Variants in RAB8B observed in about 807,000 individuals in gnomAD.
RAB8B encodes ras-related protein Rab-8B.
RAB8B carries 11 observed loss-of-function variants against 32.0 expected under a neutral mutation model. The observed-to-expected ratio is 0.34, with a 90% CI of 0.22 to 0.57. The LOEUF (loss-of-function observed/expected upper bound fraction) is 0.57, where lower values mean the gene tolerates loss of function less well. Among genes scored for constraint, RAB8B ranks in the 20% least tolerant of loss-of-function variants. The pLI, the probability that RAB8B is intolerant of heterozygous loss-of-function variation, is 0.86. For missense variants in RAB8B, 190 were observed against 258.5 expected, an observed-to-expected ratio of 0.73 and a Z score of 1.82; for synonymous variants, 103 against 89.6, an observed-to-expected ratio of 1.15 and a Z score of -0.85.
intron 1 of RAB8B, among the ~76,000 whole-genome samples, chr15:63,192,297 A>G (rs2037562347): frequency 1.3e-5 from 2 of 152,358 alleles, no homozygotes; most frequent in South Asian, 2.1e-4. Context: ...TGTTAGCACC[A>G]TTCTGGTTCC....
chr15:63,259,445 A>G lies in RAB8B; in HGVS notation c.415-182A>G, dbSNP rs1453694569. Reference sequence around the variant, plus strand: ...AAATGGAAGTTGTGCCATCCTTCTTACGATGATTAAGTTAAATTATTAAAT... The same window carrying G: ...AAATGGAAGTTGTGCCATCCTTCTTGCGATGATTAAGTTAAATTATTAAAT... On this transcript the variant is annotated intron_variant, in intron 5 of 7. Transcript: ENST00000321437. This position sits in a 1 kb window ranked among gnomAD's most constrained non-coding sequence, Gnocchi z 4.4. Among the ~76,000 whole-genome samples the G allele has an allele frequency of 4.6e-5, 7 of 152,298 alleles. No homozygotes were observed. In the East Asian group the frequency reaches 1.4e-3, roughly 29 times the overall value.
At chr15:63,252,469 T>A (rs2038124189) in intron 3 of RAB8B, among the ~76,000 whole-genome samples, 1 of 152,228 alleles carries the variant, frequency 6.6e-6, no homozygotes, top group Non-Finnish European at 1.5e-5. Flanking sequence ...GACTCTAGCC[T>A]GCGTTCTTAA....
intron 1 of RAB8B, among the ~76,000 whole-genome samples, chr15:63,238,673 A>C (rs2038005096): frequency 6.6e-6 from 1 of 152,202 alleles, no homozygotes; most frequent in Non-Finnish European, 1.5e-5. Flanking sequence ...ATAGGTATAT[A>C]ATATAGAGGA....
At chr15:63,239,935 T>C (rs2038018492) in intron 1 of RAB8B, among the ~76,000 whole-genome samples, 1 of 151,842 alleles carries the variant, frequency 6.6e-6, no homozygotes, top group Non-Finnish European at 1.5e-5. Context: ...AAACCAGGCT[T>C]TGAGGCAGAG....
intron 1 of RAB8B, among the ~76,000 whole-genome samples, chr15:63,208,652 A>G (rs775519393): frequency 2.6e-5 from 4 of 152,176 alleles, no homozygotes; most frequent in South Asian, 4.1e-4. Context: ...GCAGGTTCCA[A>G]GAACACACCT....
chr15:63,255,651 T>C (rs1481309990), intron 4 of RAB8B, 67 bp downstream of exon 4: 1 of 1,328,616 alleles, frequency 7.5e-7, no homozygotes, highest in Non-Finnish European at 1.1e-6. Context: ...AAGGCTCCTC[T>C]GTCTGCAAGG....
chr15:63,256,448 A>T (rs1567021261), intron 4 of RAB8B, 57 bp from the exon 5 acceptor site: 1 of 1,271,306 alleles, frequency 7.9e-7, no homozygotes, highest in Non-Finnish European at 1.1e-6. Flanking sequence ...GGATTTGTCT[A>T]TTAAGTAACG....
At chr15:63,246,286 T>C (rs2038071690) in intron 2 of RAB8B, among the ~76,000 whole-genome samples, 1 of 152,160 alleles carries the variant, frequency 6.6e-6, no homozygotes, top group African/African-American at 2.4e-5. Context: ...TCAAAAAGTT[T>C]TGGATTTGGG....
At chr15:63,232,774 G>A (rs1567016025) in intron 1 of RAB8B, among the ~76,000 whole-genome samples, 1 of 152,036 alleles carries the variant, frequency 6.6e-6, no homozygotes, top group Non-Finnish European at 1.5e-5. Flanking sequence ...CTGTTGGGTT[G>A]AACAAAGCTA....
At chr15:63,242,678 AAAAAC>A (rs1197608828) in intron 1 of RAB8B, among the ~76,000 whole-genome samples, 1 of 152,170 alleles carries the variant, frequency 6.6e-6, no homozygotes, top group African/African-American at 2.4e-5. Flanking sequence ...CTCTGTCTCA[AAAAAC>A]AAAACAAAAC....
chr15:63,262,795 A>G, intron 7 of RAB8B, 53 bp downstream of exon 7: 1 of 907,896 alleles, frequency 1.1e-6, no homozygotes, highest in Non-Finnish European at 1.5e-6. Context: ...TTGGCATTTG[A>G]TGAAAAGGAT....
chr15:63,263,388 A>T, intron 7 of RAB8B, 139 bp from the exon 8 acceptor site: 1 of 631,282 alleles, frequency 1.6e-6, no homozygotes, highest in South Asian at 2.1e-5. Context: ...TTCCCGTTCT[A>T]ATAAAATACT....
chr15:63,189,987 G>A (rs1182526243), intron 1 of RAB8B, among the ~76,000 whole-genome samples: 1 of 151,438 alleles, frequency 6.6e-6, no homozygotes, highest in Admixed American at 6.6e-5. Context: ...GGAACGGGAA[G>A]GGGAACAGAG....
intron 1 of RAB8B, among the ~76,000 whole-genome samples, chr15:63,228,497 T>C (rs2037907622): frequency 6.6e-6 from 1 of 152,248 alleles, no homozygotes; most frequent in Admixed American, 6.5e-5. Context: ...CCTGGATTTG[T>C]TTCTGCAGAT....
intron 1 of RAB8B, among the ~76,000 whole-genome samples, chr15:63,237,047 G>T (rs1453051197): frequency 6.6e-6 from 1 of 152,110 alleles, no homozygotes; most frequent in South Asian, 2.1e-4. Flanking sequence ...ATGACCTCCA[G>T]TTCCATCCAT....
chr15:63,232,326 A>T (rs1424054194), intron 1 of RAB8B, among the ~76,000 whole-genome samples: 1 of 152,204 alleles, frequency 6.6e-6, no homozygotes, highest in African/African-American at 2.4e-5. Context: ...TCGAGACTCA[A>T]ATAGAGACAT....
chr15:63,242,257 G>A (rs977628823), intron 1 of RAB8B, among the ~76,000 whole-genome samples: 6 of 151,858 alleles, frequency 4.0e-5, no homozygotes, highest in Non-Finnish European at 7.4e-5. Flanking sequence ...GAAAAAAGGA[G>A]GAAATTCGGT....
chr15:63,264,976 G>A lies in RAB8B; in HGVS notation c.*1357G>A, dbSNP rs541785317. The A allele has an allele frequency of 7.9e-5, 12 of 152,806 alleles. No homozygotes were observed. The highest frequency in any genetic ancestry group is 2.2e-4 in the African/African-American group (9 of 41,588). The allele number at this position is 152,806 out of a possible 1,614,324, so 9.5% of individuals were successfully genotyped here. A position where few individuals can be genotyped will look rare whatever the true frequency, so the allele number is the denominator to read the frequency against. ...ACACTGGTACTGGTATACTTTTGTA[G>A]ATGAAACCATCACAAGGTATTTAGT... is the stretch of plus-strand genomic sequence containing the variant. On this transcript the variant is annotated 3_prime_UTR_variant, in exon 8 of 8. Coordinates refer to ENST00000321437, the MANE Select transcript of RAB8B (RefSeq NM_016530.3).
chr15:63,203,648 C>T (rs1262212743), intron 1 of RAB8B, among the ~76,000 whole-genome samples: 1 of 152,220 alleles, frequency 6.6e-6, no homozygotes, highest in African/African-American at 2.4e-5. Flanking sequence ...ATACCAAATT[C>T]TAGGCATTAA....
Sources: allele counts gnomAD v4.1 joint callset (sites outside exome capture counted in the v4.1 genomes callset), GRCh38; gene constraint gnomAD v4.1.1; non-coding constraint Gnocchi (gnomAD v3.1); transcripts MANE v1.5; gene names NCBI Gene and HGNC (gene_info 2026-07-23, HGNC 2026-07-21).